The following HPS4 variants were observed in gnomAD, a reference collection of about 807,000 sequenced individuals.
HPS4 encodes the protein BLOC-3 complex member HPS4.
In HPS4, 44 loss-of-function variants were observed where a neutral mutation model predicts 70.3. The ratio of observed to expected loss-of-function variants is 0.63; its 90% CI spans 0.49 to 0.80. The LOEUF (loss-of-function observed/expected upper bound fraction) is 0.80. Among genes scored for constraint, HPS4 ranks in the 30% least tolerant of loss-of-function variants. The probability of loss-of-function intolerance (pLI) is 0.00; values close to 1 mark genes in which losing one functional copy is unlikely to be tolerated. For missense variants in HPS4, 873 were observed against 884.4 expected (o/e 0.99, Z 0.16); for synonymous variants, 377 against 355.9 (o/e 1.06, Z -0.67).
upstream of HPS4, chr22:26,483,845 G>A: frequency 7.7e-7 from 1 of 1,302,734 alleles, no homozygotes. Context: ...CCGGCGCGCG[G>A]CGATGACGTG....
At chr22:26,470,590 G>T in intron 7 of HPS4, 129 bp downstream of exon 7, 3 of 817,310 alleles carry the variant, frequency 3.7e-6, no homozygotes, top group Non-Finnish European at 4.2e-6. Flanking sequence ...TAAACTACCT[G>T]ATATTTGCCG....
In HPS4 at chr22:26,464,386, G is replaced by T. The variant is rs773931864; in HGVS notation, c.1244C>A (p.Thr415Lys). ...GCTGATGGCTGTGTCCTCAGGAGGC[G>T]TGGGTTCCAGGCTGCTGGAGGCGCT... ...SLSASSSLEP[T>K]PPEDTAISSL... The change falls in exon 11 of 14, where the codon ACG (threonine) becomes AAG (lysine). Residue 415 changes from threonine to lysine, a missense_variant. Thr to Lys is a moderately conservative substitution (Grantham distance 78, BLOSUM62 -1). Transcript: ENST00000398145. 1.2e-6 allele frequency: 2 copies of T among 1,614,174 alleles called. No homozygotes were observed. The highest frequency in any genetic ancestry group is 1.7e-5 in the Admixed American group (1 of 60,024).
chr22:26,455,346 C>T (rs1251555153), intron 13 of HPS4, among the ~76,000 whole-genome samples: 6 of 151,602 alleles, frequency 4.0e-5, no homozygotes, highest in Admixed American at 1.3e-4. Flanking sequence ...TGTCCAACAA[C>T]GATAGACTGG....
rs886057321 is a variant in HPS4, at chr22:26,481,878, G to A, written c.-116C>T. 4.8e-6 allele frequency: 5 copies of A among 1,046,722 alleles called. No individual in the cohort carries two copies. The highest frequency in any genetic ancestry group is 7.5e-6 in the Non-Finnish European group (5 of 670,262). 64.8% of individuals were successfully genotyped at this position (1,046,722 alleles called of 1,614,324 possible). On this transcript the variant is annotated 5_prime_UTR_variant, in exon 2 of 14. Transcript: ENST00000398145. ...CAATCCAGTGAATCTGGACGTGGTA[G>A]GTTTCAGTGTTTTCAGTCACAACTG...
Position 26,464,784 on chromosome 22 carries a change from C to A in HPS4, c.846G>T (p.Gln282His). 1.3e-6 allele frequency: 2 copies of A among 1,589,754 alleles called. No individual in the cohort carries two copies. The highest frequency in any genetic ancestry group is 1.7e-6 in the Non-Finnish European group (2 of 1,170,074). The change falls in exon 11 of 14, where the codon CAG becomes CAT. Residue 282 changes from glutamine (Q) to histidine (H), a missense_variant. Gln to His is a conservative substitution (Grantham distance 24). Coordinates refer to ENST00000398145, the MANE Select transcript of HPS4 (RefSeq NM_022081.6). ...ATGTGCTCCCACCCTTTGGATGGTG[C>A]TGGGCTGAACCATCCTGGAGTCCTG... ...SPAGLQDGSA[Q>H]HHPKGGSTSA...
intron 11 of HPS4, among the ~76,000 whole-genome samples, chr22:26,459,278 T>C (rs914207048): frequency 6.6e-6 from 1 of 152,242 alleles, no homozygotes; most frequent in African/African-American, 2.4e-5. Flanking sequence ...TGAGGACGAC[T>C]GTCAAGGAGA....
chr22:26,462,028 AG>A (rs1191813884), intron 11 of HPS4, among the ~76,000 whole-genome samples: 3 of 151,598 alleles, frequency 2.0e-5, no homozygotes, highest in African/African-American at 7.3e-5. Flanking sequence ...CAGGAGGTTG[AG>A]GTAGGAGAAC....
intron 8 of HPS4, chr22:26,468,328 GA>G: frequency 1.7e-6 from 1 of 581,576 alleles, no homozygotes; most frequent in Non-Finnish European, 3.1e-6. Flanking sequence ...TTGGTTTGAA[GA>G]AAAAACAACT....
In HPS4 at chr22:26,464,276, GGCT is replaced by G. The variant is rs768468362; in HGVS notation, c.1351_1353del (p.Ser451del). ...GGGTCTGCTCTGGGAATGGGGGCTT[GGCT>G]GCTATGGCCAGGATGGTCTTCGAGC... On this transcript the variant is annotated inframe_deletion, in exon 11 of 14. Transcript: ENST00000398145. 1 of 1,614,110 alleles carries G rather than the reference GGCT, an allele frequency of 6.2e-7. No homozygotes were observed. The highest frequency in any genetic ancestry group is 8.5e-7 in the Non-Finnish European group (1 of 1,180,024).
At position 26,468,540 on chromosome 22, in the gene HPS4, C is replaced by T; in HGVS notation, c.669+11G>A. ...GATGCTGTCCAGCCAGGTGGGTGGA[C>T]TTTACAATACCTGCTCCTGAGGTGC... is the stretch of plus-strand genomic sequence containing the variant. On this transcript the variant is annotated intron_variant, in intron 8 of 13. Transcript: ENST00000398145. 1 of 1,612,448 alleles carries T rather than the reference C, an allele frequency of 6.2e-7. No homozygotes were observed.
In HPS4 at chr22:26,464,731, T is replaced by C. The variant is rs1346211526; in HGVS notation, c.899A>G (p.His300Arg). The C allele has an allele frequency of 4.4e-6, 7 of 1,595,344 alleles. No individual in the cohort carries two copies. The highest frequency in any genetic ancestry group is 8.6e-7 in the Non-Finnish European group (1 of 1,169,520). The change falls in exon 11 of 14, where the codon CAT becomes CGT. Residue 300 changes from histidine (H) to arginine (R), a missense_variant. By Grantham distance (29) the His-to-Arg change is conservative. Transcript: ENST00000398145. ...TSALKENATG[H>R]VESMAWTTPD... ...GGTGGTCCAGGCCATGGATTCCACA[T>C]GGCCAGTGGCGTTTTCTTTCAGGGC...
Position 26,452,590 on chromosome 22 carries a change from T to C in HPS4, c.*643A>G, listed in dbSNP as rs2085391971. On this transcript the variant is annotated 3_prime_UTR_variant, in exon 14 of 14. Coordinates refer to ENST00000398145, the MANE Select transcript of HPS4 (RefSeq NM_022081.6). ...GGGATCTCTAAAGCCCAAACTCCCTTCCATATTATTAAGGCTTGCCCCCAT... is the reference window on the plus strand; with the variant it reads ...GGGATCTCTAAAGCCCAAACTCCCTCCCATATTATTAAGGCTTGCCCCCAT... 3.2e-6 allele frequency: 1 copy of C among 316,176 alleles called. No individual in the cohort carries two copies. Among genetic ancestry groups the C allele is most frequent in the African/African-American group, 2.2e-5 (1 of 45,872 alleles). 19.6% of individuals were successfully genotyped at this position (316,176 alleles called of 1,614,324 possible).
intron 6 of HPS4, among the ~76,000 whole-genome samples, 191 bp downstream of exon 6, chr22:26,472,111 A>T (rs1007869959): frequency 6.6e-6 from 1 of 152,204 alleles, no homozygotes; most frequent in African/African-American, 2.4e-5. Flanking sequence ...CAGTTCAAGA[A>T]GGCAGGTATG....
At chr22:26,465,739 G>A (rs948465524) in intron 9 of HPS4, 188 bp from the exon 10 acceptor site, 1 of 610,722 alleles carries the variant, frequency 1.6e-6, no homozygotes, top group Middle Eastern at 4.4e-4. Context: ...TAAGGAAAGA[G>A]TCCCTGCAGG....
rs779719192 is a variant in HPS4 at position 26,452,318 on chromosome 22, AT to A, written c.*914del. 1 of 456,684 alleles carries A rather than the reference AT, an allele frequency of 2.2e-6. No individual in the cohort carries two copies. Among genetic ancestry groups the A allele is most frequent in the Non-Finnish European group, 4.4e-6 (1 of 226,960 alleles). 28.3% of individuals were successfully genotyped at this position (456,684 alleles called of 1,614,324 possible). A position where few individuals can be genotyped will look rare whatever the true frequency, so the allele number is the denominator to read the frequency against. On this transcript the variant is annotated 3_prime_UTR_variant, in exon 14 of 14. Transcript: ENST00000398145. Reference sequence around the variant, plus strand: ...CATACTGTCAAAAAAATGTCTGACTATAACGTAATAGAACTGAGGTTCTAAG... The same window carrying A: ...CATACTGTCAAAAAAATGTCTGACTAAACGTAATAGAACTGAGGTTCTAAG...
chr22:26,465,383 T>G (rs2088325847), intron 10 of HPS4, 72 bp downstream of exon 10: 4 of 1,035,684 alleles, frequency 3.9e-6, no homozygotes, highest in Non-Finnish European at 6.1e-6. Flanking sequence ...ATCAGAGGTT[T>G]GTTTTTTAAC....
chr22:26,469,941 G>C (rs949905796), intron 7 of HPS4, among the ~76,000 whole-genome samples: 3 of 152,204 alleles, frequency 2.0e-5, no homozygotes, highest in Non-Finnish European at 4.4e-5. Flanking sequence ...TCCCAGAAGA[G>C]AAAATTGAGG....
At chr22:26,449,216 A>C, downstream of HPS4, among the ~76,000 whole-genome samples, 1 of 148,438 alleles carries the variant, frequency 6.7e-6, no homozygotes, top group African/African-American at 2.5e-5. Flanking sequence ...TCCACTTCCC[A>C]CCTGGACAAC....
chr22:26,448,721 G>T (rs2085038199), downstream of HPS4, among the ~76,000 whole-genome samples: 1 of 152,170 alleles, frequency 6.6e-6, no homozygotes, highest in Non-Finnish European at 1.5e-5. Flanking sequence ...CTAATTTCAG[G>T]TTTGGACATT....
Sources: allele counts gnomAD v4.1 joint callset (sites outside exome capture counted in the v4.1 genomes callset), GRCh38; gene constraint gnomAD v4.1.1; transcripts MANE v1.5; gene names NCBI Gene and HGNC (gene_info 2026-07-23, HGNC 2026-07-21).